DENND2D: variants seen among roughly 807,000 people sequenced by gnomAD.
DENND2D encodes the protein DENN domain-containing protein 2D.
DENND2D carries 37 observed loss-of-function variants against 59.8 expected under a neutral mutation model. That is an observed-to-expected ratio of 0.62 (90% CI 0.48 to 0.81). The LOEUF is 0.81. Among genes scored for constraint, DENND2D ranks in the 40% least tolerant of loss-of-function variants. DENND2D has a pLI of 0.00. For missense variants in DENND2D, 525 were observed against 579.7 expected (o/e 0.91, Z 0.97); for synonymous variants, 219 against 211.3 (o/e 1.04, Z -0.31).
chr1:111,200,818 G>T, upstream of DENND2D: 5 of 782,110 alleles, frequency 6.4e-6, 1 homozygote, highest in Non-Finnish European at 8.6e-6. Context: ...ATGGGCTAAG[G>T]GTTTTGAATC....
At position 111,192,328 on chromosome 1, in the gene DENND2D, GCA is replaced by G; in HGVS notation, c.795-13_795-12del. 6.4e-7 allele frequency: 1 copy of G among 1,574,398 alleles called. No individual in the cohort carries two copies. Among genetic ancestry groups the G allele is most frequent in the Non-Finnish European group, 8.7e-7 (1 of 1,154,398 alleles). ...CACTGAGACAAGGTGCTGGGACAGAGCACAGAGGATGAGAGTCAGGGGGCCCC... is the reference window on the plus strand; with the variant it reads ...CACTGAGACAAGGTGCTGGGACAGAGCAGAGGATGAGAGTCAGGGGGCCCC... On this transcript the variant is annotated splice_polypyrimidine_tract_variant and intron_variant, in intron 7 of 11. Transcript: ENST00000357640.
chr1:111,188,153 C>T lies in DENND2D; in HGVS notation c.1317G>A (p.Glu439=), dbSNP rs770503042. The change falls in exon 11 of 12, where the codon GAG becomes GAA. Residue 439 remains glutamate, a synonymous_variant. Transcript: ENST00000357640. The part of the protein sequence containing the change: ...QLFSLFIQEA[E]KSKNPPAGYF... ...TACCTGCAGGAGGATTCTTGCTCTT[C>T]TCGGCTTCCTGGATGAAAAGTGAGA... 6.2e-6 allele frequency: 10 copies of T among 1,614,206 alleles called. No homozygotes were observed. Among genetic ancestry groups the T allele is most frequent in the Non-Finnish European group, 8.5e-6 (10 of 1,180,042 alleles).
rs1657322493 is a variant in DENND2D at position 111,187,451 on chromosome 1, C to A, written c.*154G>T. On this transcript the variant is annotated 3_prime_UTR_variant, in exon 12 of 12. Coordinates refer to ENST00000357640, the MANE Select transcript of DENND2D (RefSeq NM_024901.5). ...AGAAATCAATACCAGGGATCCAAATCTCAGACACCAGTTTGAAGCAATACC... is the reference window on the plus strand; with the variant it reads ...AGAAATCAATACCAGGGATCCAAATATCAGACACCAGTTTGAAGCAATACC... 1 of 640,070 alleles carries A rather than the reference C, an allele frequency of 1.6e-6. No homozygotes were observed. Among genetic ancestry groups the A allele is most frequent in the African/African-American group, 1.8e-5 (1 of 54,640 alleles). The allele number at this position is 640,070 out of a possible 1,614,324, so 39.6% of individuals were successfully genotyped here.
At chr1:111,188,608 T>C (rs1407042197) in intron 10 of DENND2D, 94 bp downstream of exon 10, 2 of 1,291,628 alleles carry the variant, frequency 1.5e-6, no homozygotes, top group Non-Finnish European at 2.2e-6. Context: ...GGTCTAGGAC[T>C]ACTGAATGAG....
intron 4 of DENND2D, 86 bp from the exon 5 acceptor site, chr1:111,197,339 G>A (rs1658339832): frequency 6.5e-7 from 1 of 1,538,914 alleles, no homozygotes; most frequent in Non-Finnish European, 8.7e-7. Flanking sequence ...CAAGGCTGAG[G>A]GCTGGGGAGG....
chr1:111,196,763 T>A (rs1658268929), intron 5 of DENND2D: 1 of 189,668 alleles, frequency 5.3e-6, no homozygotes, highest in Non-Finnish European at 1.1e-5. Context: ...TTATAACTCC[T>A]TCATATTTGT....
chr1:111,198,124 T>A, intron 3 of DENND2D, 135 bp from the exon 4 acceptor site: 1 of 777,798 alleles, frequency 1.3e-6, no homozygotes. Context: ...CTCACTGGTG[T>A]CAGGCCCTAA....
chr1:111,200,563 T>G lies in DENND2D; in HGVS notation c.-104A>C. ...CTGCTTCGGTCTCCAGCCACAACTCTGTGAAGCCAAGCCACGCGCTGTCTT... is the reference window on the plus strand; with the variant it reads ...CTGCTTCGGTCTCCAGCCACAACTCGGTGAAGCCAAGCCACGCGCTGTCTT... On this transcript the variant is annotated 5_prime_UTR_variant, in exon 1 of 12. Transcript: ENST00000357640. The G allele has an allele frequency of 6.6e-7, 1 of 1,521,496 alleles. No individual in the cohort carries two copies. The highest frequency in any genetic ancestry group is 8.9e-7 in the Non-Finnish European group (1 of 1,129,018). The allele number at this position is 1,521,496 out of a possible 1,614,324, so 94.2% of individuals were successfully genotyped here. A position where few individuals can be genotyped will look rare whatever the true frequency, so the allele number is the denominator to read the frequency against.
At chr1:111,188,053 A>G in intron 11 of DENND2D, 78 bp downstream of exon 11, 3 of 1,552,502 alleles carry the variant, frequency 1.9e-6, no homozygotes, top group Non-Finnish European at 1.7e-6. Flanking sequence ...TCTAAAGAGA[A>G]GTATTCTTTC....
At chr1:111,194,508 C>A (rs1658040206) in intron 7 of DENND2D, 70 bp downstream of exon 7, 1 of 1,571,208 alleles carries the variant, frequency 6.4e-7, no homozygotes, top group South Asian at 1.1e-5. Flanking sequence ...CCTTGGATAA[C>A]CTCCAGTCTG....
At chr1:111,190,794 C>G (rs969901253) in intron 8 of DENND2D, among the ~76,000 whole-genome samples, 5 of 152,184 alleles carry the variant, frequency 3.3e-5, no homozygotes, top group African/African-American at 4.8e-5. Context: ...ATAGAGCATG[C>G]ACTGTAATTA....
upstream of DENND2D, chr1:111,204,219 G>T: frequency 7.2e-7 from 1 of 1,385,476 alleles, no homozygotes; most frequent in Non-Finnish European, 9.3e-7. Context: ...CCCTCCACCG[G>T]GCCCCAGCCG....
At chr1:111,188,588 C>G (rs558173974) in intron 10 of DENND2D, 114 bp downstream of exon 10, 2 of 1,208,672 alleles carry the variant, frequency 1.7e-6, no homozygotes, top group Non-Finnish European at 2.4e-6. Flanking sequence ...GGTTCTAGGC[C>G]TCTAGGGCTG....
At chr1:111,187,920 C>T (rs1217525694) in intron 11 of DENND2D, among the ~76,000 whole-genome samples, 2 of 152,304 alleles carry the variant, frequency 1.3e-5, no homozygotes, top group Non-Finnish European at 2.9e-5. Flanking sequence ...AGGGCTCAGT[C>T]CTGTTCACTA....
chr1:111,197,811 A>G (rs1658391535), intron 4 of DENND2D, 109 bp downstream of exon 4: 4 of 1,549,122 alleles, frequency 2.6e-6, no homozygotes, highest in Non-Finnish European at 3.5e-6. Context: ...CTTTTTCTAC[A>G]ACCAGTGCTG....
chr1:111,190,100 C>G (rs61805901), intron 8 of DENND2D, among the ~76,000 whole-genome samples: 1 of 144,578 alleles, frequency 6.9e-6, no homozygotes, highest in African/African-American at 2.6e-5. Flanking sequence ...GGAGGCGGAG[C>G]TTGCGGTGAG....
At position 111,197,688 on chromosome 1, in the gene DENND2D, GC is replaced by G. The variant is rs1319830359; in HGVS notation, c.426+231del. 2.1e-6 allele frequency: 3 copies of G among 1,398,210 alleles called. No homozygotes were observed. In the African/African-American group the frequency reaches 4.3e-5, roughly 20 times the overall value. The allele number at this position is 1,398,210 out of a possible 1,614,324, so 86.6% of individuals were successfully genotyped here. On this transcript the variant is annotated intron_variant, in intron 4 of 11. Transcript: ENST00000357640. Reference sequence around the variant, plus strand: ...GGGAGAGGAGTTAGTTGTATTGAAAGCCAGAGAGAGCACAGACCAGAGCCTG... The same window carrying G: ...GGGAGAGGAGTTAGTTGTATTGAAAGCAGAGAGAGCACAGACCAGAGCCTG...
In DENND2D at chr1:111,198,006, A is replaced by G; in HGVS notation, c.357-17T>C. ...AAGGTCTCCCTAAGAAAGAGCAGAC[A>G]AGGCTTGATTTGTATTGCTCACTGA... On this transcript the variant is annotated splice_polypyrimidine_tract_variant and intron_variant, in intron 3 of 11. Transcript: ENST00000357640. 6.2e-7 allele frequency: 1 copy of G among 1,612,716 alleles called. No individual in the cohort carries two copies.
At chr1:111,200,866 T>C, upstream of DENND2D, 1 of 360,328 alleles carries the variant, frequency 2.8e-6, no homozygotes, top group Non-Finnish European at 4.6e-6. Context: ...TTTACAACCT[T>C]AGAACAGTGG....
Sources: gnomAD v4.1 joint callset for allele counts (sites outside exome capture counted in the v4.1 genomes callset) on GRCh38, gnomAD v4.1.1 for gene constraint, MANE v1.5 for transcripts, NCBI Gene and HGNC (gene_info 2026-07-23, HGNC 2026-07-21) for gene names.